GPHN: variants seen among roughly 807,000 people sequenced by gnomAD.
GPHN encodes the protein gephyrin.
In GPHN, 17 loss-of-function variants were observed where a neutral mutation model predicts 95.5. That is an observed-to-expected ratio of 0.18 (90% CI 0.12 to 0.27). The LOEUF (loss-of-function observed/expected upper bound fraction) is 0.27, where lower values mean the gene tolerates loss of function less well. GPHN is among the 10% of genes least tolerant of loss of function. GPHN has a pLI of 1.00. For synonymous variants in GPHN, 320 were observed against 322.5 expected (o/e 0.99, Z 0.08); for missense variants, 660 against 978.1 (o/e 0.67, Z 4.34).
the GPHN span, chr14:67,388,111 A>G: frequency 1.5e-6 from 1 of 681,208 alleles, no homozygotes; most frequent in Admixed American, 2.4e-5. Context: ...ACTCTGTCTC[A>G]TGGAGAAAGC....
chr14:67,283,780 A>T, the GPHN span, among the ~76,000 whole-genome samples: 164 of 152,362 alleles, frequency 1.1e-3, no homozygotes, highest in Non-Finnish European at 1.7e-3. Flanking sequence ...TTAAATACAC[A>T]TAATTCTATA....
chr14:67,037,326 A>G (rs1448967145), intron 10 of GPHN, among the ~76,000 whole-genome samples: 1 of 152,038 alleles, frequency 6.6e-6, no homozygotes, highest in Non-Finnish European at 1.5e-5. Context: ...AATAGGTAAG[A>G]CCTGAAACTA....
chr14:66,548,178 A>ATTT (rs564746424), intron 1 of GPHN, among the ~76,000 whole-genome samples: 7 of 116,162 alleles, frequency 6.0e-5, no homozygotes, highest in Non-Finnish European at 1.0e-4. Context: ...TACTATTGTA[A>ATTT]TTTTTTTTTT....
At chr14:67,028,600 A>T (rs1027199200) in intron 10 of GPHN, among the ~76,000 whole-genome samples, 1 of 151,882 alleles carries the variant, frequency 6.6e-6, no homozygotes, top group African/African-American at 2.4e-5. Flanking sequence ...TTTGATTTGC[A>T]TTTCTCTGAT....
At chr14:66,599,389 TGC>T (rs2062123342) in intron 1 of GPHN, among the ~76,000 whole-genome samples, 2 of 116,044 alleles carry the variant, frequency 1.7e-5, no homozygotes, top group Admixed American at 9.3e-5. Context: ...CATTTTTTTT[TGC>T]ATTTTTTTTT....
intron 11 of GPHN, among the ~76,000 whole-genome samples, chr14:67,082,866 T>C (rs911575032): frequency 4.6e-5 from 7 of 152,222 alleles, no homozygotes; most frequent in Admixed American, 6.5e-5. Context: ...ACCACAGATA[T>C]ACCACAGTTT....
chr14:67,519,444 A>G, the GPHN span, among the ~76,000 whole-genome samples: 1 of 152,204 alleles, frequency 6.6e-6, no homozygotes, highest in Non-Finnish European at 1.5e-5. Context: ...CAATCTTTTC[A>G]TCACTTCTGC....
chr14:67,689,008 T>C, the GPHN span, among the ~76,000 whole-genome samples: 2 of 152,176 alleles, frequency 1.3e-5, no homozygotes, highest in African/African-American at 4.8e-5. Flanking sequence ...ATAATGATTT[T>C]CCACTGAATC....
At chr14:66,623,617 C>CAAAAAAAAAAA in intron 1 of GPHN, among the ~76,000 whole-genome samples, 1 of 91,532 alleles carries the variant, frequency 1.1e-5, no homozygotes, top group Non-Finnish European at 2.9e-5. Flanking sequence ...GACTCTGTTT[C>CAAAAAAAAAAA]AAAAAAAAAA....
At chr14:66,521,158 A>T (rs764536955) in intron 1 of GPHN, among the ~76,000 whole-genome samples, 2 of 152,180 alleles carry the variant, frequency 1.3e-5, no homozygotes, top group African/African-American at 2.4e-5. Context: ...ATAGTGCTAC[A>T]GTGAACATTC....
chr14:67,571,016 C>CT, the GPHN span: 1 of 152,218 alleles, frequency 6.6e-6, no homozygotes, highest in African/African-American at 2.4e-5. Flanking sequence ...GCCACCATGC[C>CT]TGGCCCCTAC....
chr14:66,851,569 C>G (rs1340963597), intron 4 of GPHN, among the ~76,000 whole-genome samples: 1 of 151,930 alleles, frequency 6.6e-6, no homozygotes, highest in Non-Finnish European at 1.5e-5. Context: ...ATTTATTAAC[C>G]CATTCTACTG....
the GPHN span, chr14:67,581,971 C>T: frequency 1.6e-6 from 2 of 1,218,090 alleles, no homozygotes; most frequent in Non-Finnish European, 2.3e-6. Context: ...GAAAAGAGTA[C>T]TTTATCTTTT....
chr14:67,288,271 G>C, the GPHN span, among the ~76,000 whole-genome samples: 1 of 152,038 alleles, frequency 6.6e-6, no homozygotes, highest in East Asian at 1.9e-4. Flanking sequence ...CAGTAGAGAC[G>C]GGATTTTACC....
the GPHN span, among the ~76,000 whole-genome samples, chr14:67,423,087 C>G: frequency 7.2e-5 from 11 of 152,070 alleles, no homozygotes; most frequent in Admixed American, 5.9e-4. Flanking sequence ...CCTGCCTCAG[C>G]CTCCCAAAGT....
chr14:67,125,000 C>G (rs1005042960), intron 17 of GPHN, among the ~76,000 whole-genome samples: 3 of 151,996 alleles, frequency 2.0e-5, no homozygotes, highest in Admixed American at 1.3e-4. Context: ...CCAAAATATA[C>G]TTTGAAAACA....
At chr14:66,612,837 A>G (rs111990268) in intron 1 of GPHN, among the ~76,000 whole-genome samples, 79 of 152,044 alleles carry the variant, frequency 5.2e-4, no homozygotes, top group African/African-American at 1.6e-3. Context: ...TTTGCTCAAC[A>G]TGTTTCTGAG....
the GPHN span, chr14:67,204,681 G>A: frequency 6.2e-7 from 1 of 1,613,832 alleles, no homozygotes; most frequent in Admixed American, 1.7e-5. Context: ...CTCAATGGGT[G>A]GCCCTCATCT....
the GPHN span, among the ~76,000 whole-genome samples, chr14:67,413,859 G>A: frequency 6.6e-6 from 1 of 152,194 alleles, no homozygotes; most frequent in Non-Finnish European, 1.5e-5. Flanking sequence ...TTTATCTAAA[G>A]TACAACAACC....
Sources: gnomAD v4.1 joint callset for allele counts (sites outside exome capture counted in the v4.1 genomes callset) on GRCh38, gnomAD v4.1.1 for gene constraint, MANE v1.5 for transcripts, NCBI Gene and HGNC (gene_info 2026-07-23, HGNC 2026-07-21) for gene names.